Variants in MDGA2 observed in about 807,000 individuals in gnomAD.
MDGA2 encodes MAM domain containing glycosylphosphatidylinositol anchor 2.
MDGA2 carries 40 observed loss-of-function variants against 117.8 expected under a neutral mutation model. That is an observed-to-expected ratio of 0.34 (90% CI 0.26 to 0.44). The LOEUF (loss-of-function observed/expected upper bound fraction) is 0.44. MDGA2 is among the 20% of genes least tolerant of loss of function. MDGA2 has a pLI of 1.00. For synonymous variants in MDGA2, 452 were observed against 439.0 expected (o/e 1.03, Z -0.37); for missense variants, 1,123 against 1,250.6 (o/e 0.90, Z 1.54).
At chr14:47,627,929 G>C (rs543311778) in intron 1 of MDGA2, among the ~76,000 whole-genome samples, 1 of 152,128 alleles carries the variant, frequency 6.6e-6, no homozygotes, top group Non-Finnish European at 1.5e-5. Context: ...CAGAAGGAAC[G>C]AACTCCGGAC....
At chr14:46,993,255 A>T (rs1309303151) in intron 8 of MDGA2, among the ~76,000 whole-genome samples, 1 of 152,140 alleles carries the variant, frequency 6.6e-6, no homozygotes, top group Non-Finnish European at 1.5e-5. Flanking sequence ...AGATTGCTTG[A>T]AAACACCTGG....
chr14:47,029,597 T>A (rs1275470156), intron 8 of MDGA2, among the ~76,000 whole-genome samples: 1 of 152,140 alleles, frequency 6.6e-6, no homozygotes, highest in Non-Finnish European at 1.5e-5. Flanking sequence ...TATTCTCCAG[T>A]TAATTTTCAA....
chr14:47,190,823 T>C (rs959152093), intron 3 of MDGA2, among the ~76,000 whole-genome samples: 2 of 152,216 alleles, frequency 1.3e-5, no homozygotes, highest in Non-Finnish European at 2.9e-5. Context: ...AATACAGCTA[T>C]AACTGGCTGG....
intron 1 of MDGA2, among the ~76,000 whole-genome samples, chr14:47,324,171 G>A (rs1402566818): frequency 6.6e-6 from 1 of 152,132 alleles, no homozygotes; most frequent in Non-Finnish European, 1.5e-5. Flanking sequence ...CGTGAACCCA[G>A]GAGGCGAAGC....
chr14:47,172,354 TCCCTGAC>T (rs1034099194), intron 3 of MDGA2, among the ~76,000 whole-genome samples: 1 of 151,512 alleles, frequency 6.6e-6, no homozygotes, highest in African/African-American at 2.4e-5. Flanking sequence ...CTCAAGTGGG[TCCCTGAC>T]CCCTGACCCC....
intron 1 of MDGA2, chr14:47,626,344 T>C (rs1897139291): frequency 6.6e-6 from 1 of 152,488 alleles, no homozygotes; most frequent in Non-Finnish European, 1.5e-5. Flanking sequence ...CTTACCTGCC[T>C]GGCAACATTC....
intron 1 of MDGA2, among the ~76,000 whole-genome samples, chr14:47,312,693 G>GTTTTTTTTTTTTTTTTTTTTTTT (rs375332903): frequency 2.9e-5 from 3 of 104,364 alleles, no homozygotes; most frequent in Non-Finnish European, 5.9e-5. Flanking sequence ...TTTTTGTTTT[G>GTTTTTTTTTTTTTTTTTTTTTTT]TTTTGTTTTT....
chr14:46,861,298 T>C (rs546979069), intron 14 of MDGA2, among the ~76,000 whole-genome samples: 1 of 152,058 alleles, frequency 6.6e-6, no homozygotes, highest in African/African-American at 2.4e-5. Flanking sequence ...CATATTAATA[T>C]GTGTGACTTA....
intron 16 of MDGA2, 95 bp from the exon 17 acceptor site, chr14:46,842,114 A>G: frequency 1.5e-6 from 1 of 665,928 alleles, no homozygotes; most frequent in Non-Finnish European, 2.5e-6. Context: ...TAAAACAAGT[A>G]TATGGAAAAT....
At chr14:47,627,217 T>C (rs937439793) in intron 1 of MDGA2, among the ~76,000 whole-genome samples, 1 of 151,798 alleles carries the variant, frequency 6.6e-6, no homozygotes, top group Non-Finnish European at 1.5e-5. Flanking sequence ...TCAGGGTTTG[T>C]GAATGCACCA....
At position 47,395,597 on chromosome 14, in the gene MDGA2, G is replaced by C. The variant is rs138726546; in HGVS notation, c.281-94047C>G. On this transcript the variant is annotated intron_variant, in intron 1 of 16. Transcript: ENST00000399232. ...TATTCAATATGAACTTGATTTTTGA[G>C]AGTTACAATGAAAACTATAAGGCAA... 6.5e-4 allele frequency among the ~76,000 whole-genome samples: 99 copies of C among 152,100 alleles called. 2 individuals are homozygous for C. The East Asian group carries it at 0.014, about 21-fold the overall frequency.
intron 1 of MDGA2, among the ~76,000 whole-genome samples, chr14:47,310,880 A>AT (rs1401104578): frequency 1.3e-5 from 2 of 152,174 alleles, no homozygotes; most frequent in Non-Finnish European, 2.9e-5. Context: ...GAGAGAAGCT[A>AT]TTATAACACT....
chr14:47,034,258 G>A (rs1270650166), intron 8 of MDGA2, among the ~76,000 whole-genome samples: 1 of 152,070 alleles, frequency 6.6e-6, no homozygotes, highest in Non-Finnish European at 1.5e-5. Context: ...TAAGTGTGTG[G>A]ATTTAGGTAT....
intron 1 of MDGA2, among the ~76,000 whole-genome samples, chr14:47,419,469 A>G (rs933409539): frequency 6.6e-6 from 1 of 152,166 alleles, no homozygotes; most frequent in Non-Finnish European, 1.5e-5. Flanking sequence ...AAAAATGTAT[A>G]AAATATTTCT....
At chr14:46,873,754 G>GT (rs1882110263) in intron 13 of MDGA2, among the ~76,000 whole-genome samples, 163 bp from the exon 14 acceptor site, 1 of 151,802 alleles carries the variant, frequency 6.6e-6, no homozygotes. Flanking sequence ...AATAGTGGCT[G>GT]TAACACAAAG....
chr14:47,573,136 T>A (rs1392711838), intron 1 of MDGA2, among the ~76,000 whole-genome samples: 1 of 152,066 alleles, frequency 6.6e-6, no homozygotes, highest in African/African-American at 2.4e-5. Flanking sequence ...ACCAAATATA[T>A]CCATTAAGGA....
At chr14:47,600,232 C>A (rs373404119) in intron 1 of MDGA2, among the ~76,000 whole-genome samples, 1 of 151,982 alleles carries the variant, frequency 6.6e-6, no homozygotes, top group East Asian at 2.0e-4. Flanking sequence ...CCTGTCTGCA[C>A]TAAAAATACA....
intron 1 of MDGA2, among the ~76,000 whole-genome samples, chr14:47,536,844 T>G (rs1356847879): frequency 2.0e-5 from 3 of 152,252 alleles, no homozygotes; most frequent in African/African-American, 7.2e-5. Flanking sequence ...ACCAATAGTT[T>G]TAATAGCTAA....
intron 1 of MDGA2, among the ~76,000 whole-genome samples, chr14:47,405,165 C>T (rs1365897272): frequency 2.0e-5 from 3 of 152,180 alleles, no homozygotes; most frequent in Non-Finnish European, 2.9e-5. Context: ...TGGCTCTATG[C>T]GGCTTTATCA....
Sources: allele counts gnomAD v4.1 joint callset (sites outside exome capture counted in the v4.1 genomes callset), GRCh38; gene constraint gnomAD v4.1.1; transcripts MANE v1.5; gene names NCBI Gene and HGNC (gene_info 2026-07-23, HGNC 2026-07-21).